DNM3: variants seen among roughly 807,000 people sequenced by gnomAD.
The protein encoded by DNM3 is dynamin 3, also known as dynamin-3.
DNM3 carries 47 observed loss-of-function variants against 101.6 expected under a neutral mutation model. The ratio of observed to expected loss-of-function variants is 0.46; its 90% confidence interval spans 0.37 to 0.59. The LOEUF is 0.59. Ranked by LOEUF, DNM3 falls within the 20% of genes least tolerant of loss-of-function variation. The probability of loss-of-function intolerance (pLI) is 0.00; values close to 1 mark genes in which losing one functional copy is unlikely to be tolerated. For synonymous variants in DNM3, 385 were observed against 387.9 expected (o/e 0.99, Z 0.09); for missense variants, 849 against 1,085.7 (o/e 0.78, Z 3.06).
intron 15 of DNM3, among the ~76,000 whole-genome samples, chr1:172,293,959 G>A (rs2064038622): frequency 6.6e-6 from 1 of 152,172 alleles, no homozygotes; most frequent in African/African-American, 2.4e-5. Context: ...GTGCCTTCCA[G>A]CTGGCCACGC....
At chr1:172,315,817 G>A (rs2065315694) in intron 16 of DNM3, among the ~76,000 whole-genome samples, 1 of 152,166 alleles carries the variant, frequency 6.6e-6, no homozygotes, top group South Asian at 2.1e-4. Context: ...ACATTCTGCA[G>A]GATATTATCC....
At chr1:171,926,789 A>G (rs1476319427) in intron 2 of DNM3, among the ~76,000 whole-genome samples, 1 of 152,170 alleles carries the variant, frequency 6.6e-6, no homozygotes, top group Non-Finnish European at 1.5e-5. Context: ...TATCAGTGGA[A>G]TGAAAAAAAA....
intron 13 of DNM3, among the ~76,000 whole-genome samples, chr1:172,130,046 C>T (rs577084241): frequency 1.1e-4 from 17 of 152,174 alleles, no homozygotes; most frequent in South Asian, 4.2e-4. Context: ...TGATGAGAAC[C>T]GTGGTCTATT....
chr1:171,920,708 G>C (rs1177710650), intron 1 of DNM3, among the ~76,000 whole-genome samples: 1 of 152,134 alleles, frequency 6.6e-6, no homozygotes. Context: ...AATTTATGTG[G>C]CATTGCAGAT....
Position 172,335,792 on chromosome 1 carries a change from TA to T in DNM3, c.1893+12453del, listed in dbSNP as rs762087165. ...ACAGTAGACACTGGGGACTACTGGATAGGGGAGGGAAAGAGGGGACGTGGAC... is the reference window on the plus strand; with the variant it reads ...ACAGTAGACACTGGGGACTACTGGATGGGGAGGGAAAGAGGGGACGTGGAC... On this transcript the variant is annotated intron_variant, in intron 17 of 20. Coordinates refer to ENST00000627582, the MANE Select transcript of DNM3 (RefSeq NM_015569.5). Among the ~76,000 whole-genome samples the T allele has an allele frequency of 9.4e-4, 143 of 152,142 alleles. 1 individual carries two copies. Among genetic ancestry groups the T allele is most frequent in the Non-Finnish European group, 9.4e-4 (64 of 67,972 alleles).
At chr1:172,024,607 C>T (rs891781733) in intron 4 of DNM3, among the ~76,000 whole-genome samples, 3 of 152,212 alleles carry the variant, frequency 2.0e-5, no homozygotes, top group African/African-American at 4.8e-5. Context: ...GTACCTGGCT[C>T]GTCTCACTGG....
At chr1:171,914,067 G>A (rs1057390357) in intron 1 of DNM3, among the ~76,000 whole-genome samples, 1 of 152,172 alleles carries the variant, frequency 6.6e-6, no homozygotes, top group African/African-American at 2.4e-5. Flanking sequence ...TAAAATTACA[G>A]ATGTAAGCCA....
At chr1:172,013,715 G>T (rs529925512) in intron 4 of DNM3, among the ~76,000 whole-genome samples, 2 of 152,058 alleles carry the variant, frequency 1.3e-5, no homozygotes, top group East Asian at 3.9e-4. Context: ...TAAAGAGAAG[G>T]GTATTTGGAG....
At chr1:172,018,787 T>G (rs1484609055) in intron 4 of DNM3, among the ~76,000 whole-genome samples, 7 of 152,224 alleles carry the variant, frequency 4.6e-5, no homozygotes, top group Non-Finnish European at 8.8e-5. Flanking sequence ...CCTTACTTAT[T>G]CCTTCTCTGA....
intron 14 of DNM3, among the ~76,000 whole-genome samples, chr1:172,154,202 A>G (rs1282121250): frequency 6.6e-6 from 1 of 152,124 alleles, no homozygotes; most frequent in Non-Finnish European, 1.5e-5. Context: ...CATATTAATT[A>G]ATCTGAGATT....
Position 172,173,861 on chromosome 1 carries a change from C to T in DNM3, c.1659+42573C>T, listed in dbSNP as rs190831958. Among the ~76,000 whole-genome samples, 3 of 151,736 alleles carry T rather than the reference C, an allele frequency of 2.0e-5. No homozygotes were observed. In the East Asian group the frequency reaches 5.8e-4, roughly 30 times the overall value. Reference sequence around the variant, plus strand: ...GAACATAAAGCATATTCATCCCTAACTGGAGATCTCTGCAGCTTAAGTCTT... The same window carrying T: ...GAACATAAAGCATATTCATCCCTAATTGGAGATCTCTGCAGCTTAAGTCTT... On this transcript the variant is annotated intron_variant, in intron 14 of 20. Coordinates refer to ENST00000627582, the MANE Select transcript of DNM3 (RefSeq NM_015569.5).
intron 11 of DNM3, among the ~76,000 whole-genome samples, chr1:172,081,117 G>T (rs75380263): frequency 0.014 from 2,090 of 152,236 alleles, 21 homozygotes; most frequent in Non-Finnish European, 0.019. Context: ...ATGGGGTCTT[G>T]CTATGTTGCC....
chr1:171,974,771 G>A lies in DNM3; in HGVS notation c.236-12885G>A, dbSNP rs111979610. On this transcript the variant is annotated intron_variant, in intron 2 of 20. Coordinates refer to ENST00000627582, the MANE Select transcript of DNM3 (RefSeq NM_015569.5). ...CCCAATTTAGATAATTTATACACTA[G>A]TTGACCTGTTCCATTAATTGAGTTT... Among the ~76,000 whole-genome samples, 1,354 of 152,118 alleles carry A rather than the reference G, an allele frequency of 8.9e-3. 25 individuals carry two copies. The highest frequency in any genetic ancestry group is 0.031 in the African/African-American group (1,283 of 41,504).
At chr1:172,170,266 T>C (rs1480710604) in intron 14 of DNM3, among the ~76,000 whole-genome samples, 2 of 151,916 alleles carry the variant, frequency 1.3e-5, no homozygotes, top group Admixed American at 6.6e-5. Context: ...TCCCATTTAG[T>C]AGATAAGGAA....
At chr1:172,203,279 C>T (rs575167576) in intron 14 of DNM3, among the ~76,000 whole-genome samples, 46 of 152,216 alleles carry the variant, frequency 3.0e-4, no homozygotes, top group African/African-American at 1.1e-3. Context: ...GTTTAGATTC[C>T]TTGTGAGCCC....
chr1:171,853,257 TG>T (rs2033189830), intron 1 of DNM3, among the ~76,000 whole-genome samples: 1 of 152,038 alleles, frequency 6.6e-6, no homozygotes, highest in African/African-American at 2.4e-5. Context: ...TTGATATCCC[TG>T]GCTGATGAGA....
At chr1:172,043,509 T>C (rs1005505883) in intron 8 of DNM3, among the ~76,000 whole-genome samples, 1 of 151,956 alleles carries the variant, frequency 6.6e-6, no homozygotes, top group African/African-American at 2.4e-5. Context: ...CAGCAAAGGG[T>C]ACTATGGAAA....
intron 13 of DNM3, among the ~76,000 whole-genome samples, chr1:172,094,510 C>A (rs1293557838): frequency 6.6e-6 from 1 of 152,114 alleles, no homozygotes; most frequent in African/African-American, 2.4e-5. Context: ...AAATTCTGTT[C>A]TGTCACTTAA....
chr1:171,879,583 G>T (rs534796808), intron 1 of DNM3, among the ~76,000 whole-genome samples: 9 of 152,246 alleles, frequency 5.9e-5, no homozygotes, highest in African/African-American at 2.2e-4. Context: ...AAGGAATTAG[G>T]TGCTTACTAA....
Sources: gnomAD v4.1 joint callset for allele counts (sites outside exome capture counted in the v4.1 genomes callset) on GRCh38, gnomAD v4.1.1 for gene constraint, MANE v1.5 for transcripts, NCBI Gene and HGNC (gene_info 2026-07-23, HGNC 2026-07-21) for gene names.